Variants in HELZ2 observed in about 807,000 individuals in gnomAD.
HELZ2 encodes the protein 3'-5' exoribonuclease HELZ2.
A neutral mutation model predicts 208.8 loss-of-function variants in HELZ2; 143 were observed. The ratio of observed to expected loss-of-function variants is 0.68; its 90% CI spans 0.60 to 0.79. The LOEUF (loss-of-function observed/expected upper bound fraction) is 0.79, where lower values mean the gene tolerates loss of function less well. Among genes scored for constraint, HELZ2 ranks in the 30% least tolerant of loss-of-function variants. The probability of loss-of-function intolerance (pLI) is 0.00; values close to 1 mark genes in which losing one functional copy is unlikely to be tolerated. For synonymous variants in HELZ2, 1,705 were observed against 1,693.7 expected (o/e 1.01, Z -0.16); for missense variants, 3,690 against 3,794.5 (o/e 0.97, Z 0.72).
exon 13 of HELZ2, chr20:63,561,362 T>C: frequency 1.2e-6 from 2 of 1,612,936 alleles, no homozygotes; most frequent in Non-Finnish European, 1.7e-6. Context: ...GACCAGGTCC[T>C]CCCTGGAGAA....
exon 12 of HELZ2, chr20:63,561,632 G>A (rs1477437641): frequency 6.2e-7 from 1 of 1,611,478 alleles, no homozygotes; most frequent in Non-Finnish European, 8.5e-7. Context: ...CCCTCCCGGG[G>A]GCTCTTCCTG....
Position 63,564,041 on chromosome 20 carries a change from G to A in HELZ2, c.4781C>T (p.Thr1594Met), listed in dbSNP as rs745883661. The change falls in exon 8 of 19, where the codon ACG (threonine) becomes ATG (methionine). Residue 1594 changes from threonine to methionine, a missense_variant. Transcript: ENST00000467148. ...GAGGGAGGCCAGGAGGTGCAGCCGC[G>A]TGTCGGGGGGACTGCCCCCGCCGCC... The A allele has an allele frequency of 6.9e-6, 11 of 1,604,694 alleles. No individual in the cohort carries two copies. The highest frequency in any genetic ancestry group is 5.5e-5 in the South Asian group (5 of 90,644).
chr20:63,563,257 C>T (rs771375039), exon 8 of HELZ2: 96 of 1,559,238 alleles, frequency 6.2e-5, no homozygotes, highest in Non-Finnish European at 7.9e-5. Context: ...GCTCCCGCCG[C>T]TGGGACGCCT....
At chr20:63,565,186 G>T in exon 8 of HELZ2, 1 of 1,605,602 alleles carries the variant, frequency 6.2e-7, no homozygotes, top group Non-Finnish European at 8.5e-7. Flanking sequence ...TGATGCGCGG[G>T]TCCCACGTGT....
exon 19 of HELZ2, chr20:63,559,216 T>C (rs780689176): frequency 6.7e-6 from 10 of 1,502,652 alleles, no homozygotes; most frequent in Admixed American, 4.2e-5. Flanking sequence ...TCCCTCCCAG[T>C]CCTGGCACCT....
At chr20:63,568,918 T>C (rs1187160498) in exon 5 of HELZ2, 1 of 1,609,994 alleles carries the variant, frequency 6.2e-7, no homozygotes, top group African/African-American at 1.3e-5. Flanking sequence ...CTGCGTACAG[T>C]GCTCCCGGAG....
chr20:63,567,214 G>T, exon 6 of HELZ2: 1 of 1,607,566 alleles, frequency 6.2e-7, no homozygotes, highest in Non-Finnish European at 8.5e-7. Flanking sequence ...GTGCAGCAGC[G>T]TGTGCTCGGC....
At chr20:63,560,568 G>A in exon 16 of HELZ2, 1 of 1,612,778 alleles carries the variant, frequency 6.2e-7, no homozygotes, top group Non-Finnish European at 8.5e-7. Context: ...CCCTGCACGT[G>A]GCCAAAGATG....
chr20:63,560,610 G>A (rs2082875541), exon 16 of HELZ2: 5 of 1,611,530 alleles, frequency 3.1e-6, no homozygotes, highest in Non-Finnish European at 4.2e-6. Context: ...GCGTGGCCCA[G>A]GACACTGGGC....
chr20:63,564,667 C>T (rs45602035), exon 8 of HELZ2: 46,587 of 1,581,486 alleles, frequency 0.029, 859 homozygotes, highest in Non-Finnish European at 0.037. Context: ...CCTCCACGTC[C>T]AGCACCCCGT....
intron 5 of HELZ2, 43 bp downstream of exon 6, chr20:63,568,315 C>T: frequency 1.4e-6 from 2 of 1,464,496 alleles, no homozygotes; most frequent in Non-Finnish European, 1.9e-6. Context: ...TAGACTTGGG[C>T]CGGGCGTCAG....
At chr20:63,572,027 A>G (rs1277342088) in intron 1 of HELZ2, 81 bp downstream of exon 2, 403 of 1,413,674 alleles carry the variant, frequency 2.9e-4, no homozygotes, top group African/African-American at 1.2e-3. Context: ...CTCCTGCCCC[A>G]CTCCAAGCTC....
At chr20:63,558,672 G>A (rs1477751357), downstream of HELZ2, 1 of 152,418 alleles carries the variant, frequency 6.6e-6, no homozygotes, top group South Asian at 2.1e-4. Context: ...CCAAGTAGCT[G>A]GGATTACAGG....
At position 63,567,031 on chromosome 20, in the gene HELZ2, CG is replaced by C; in HGVS notation, c.2326del (p.Arg776GlyfsTer24). 1 of 1,611,216 alleles carries C rather than the reference CG, an allele frequency of 6.2e-7. No individual in the cohort carries two copies. Among genetic ancestry groups the C allele is most frequent in the Non-Finnish European group, 8.5e-7 (1 of 1,179,370 alleles). ...GTGGCAGAACATGAGCGGGTAGTGC[CG>C]GGGGTGGGGCGGAACCTTGCCCCTG... is the stretch of plus-strand genomic sequence containing the variant. On this transcript the variant is annotated frameshift_variant, in exon 6 of 19. Transcript: ENST00000467148. LOFTEE classifies it high-confidence loss of function.
At position 63,560,566 on chromosome 20, in the gene HELZ2, G is replaced by A. The variant is rs116103495; in HGVS notation, c.7413C>T (p.His2471=). 729 of 1,612,746 alleles carry A rather than the reference G, an allele frequency of 4.5e-4. 13 individuals carry two copies. The East Asian group carries it at 0.013, about 29-fold the overall frequency. ...GCAGGCTCCGCTCGTGGCCCTGCACGTGGCCAAAGATGACAGGGCAGCTCT... is the reference window on the plus strand; with the variant it reads ...GCAGGCTCCGCTCGTGGCCCTGCACATGGCCAAAGATGACAGGGCAGCTCT... Residue 2471 remains histidine (H), a synonymous_variant, in exon 16 of 19, where the codon CAC becomes CAT. Coordinates refer to ENST00000467148, the Ensembl canonical transcript of HELZ2.
chr20:63,565,251 C>T (rs961369377), exon 8 of HELZ2: 19 of 1,607,068 alleles, frequency 1.2e-5, no homozygotes, highest in African/African-American at 8.0e-5. Context: ...ACGCCCAGCA[C>T]GCGGCCCCGA....
intron 5 of HELZ2, 149 bp from the exon 7 acceptor site, chr20:63,567,776 G>A: frequency 6.9e-7 from 1 of 1,451,864 alleles, no homozygotes; most frequent in Non-Finnish European, 9.1e-7. Context: ...TGTCCCTCCT[G>A]TCAGGAGTCC....
Position 63,559,603 on chromosome 20 carries a change from T to C in HELZ2, c.7826-233A>G, listed in dbSNP as rs528341997. ...AGGAGTCAGGGTCAGGTGGGAGGAGTCAGGGTCAGATGGGAGTCAGTCAGA... is the reference window on the plus strand; with the variant it reads ...AGGAGTCAGGGTCAGGTGGGAGGAGCCAGGGTCAGATGGGAGTCAGTCAGA... On this transcript the variant is annotated intron_variant, in intron 18 of 18. Transcript: ENST00000467148. Among the ~76,000 whole-genome samples, 299 of 35,912 alleles carry C rather than the reference T, an allele frequency of 8.3e-3. 13 individuals carry two copies. Among genetic ancestry groups the C allele is most frequent in the African/African-American group, 0.029 (275 of 9,460 alleles). The allele number at this position is 35,912 out of a possible 152,430, so 23.6% of individuals were successfully genotyped here.
At chr20:63,566,343 G>T in intron 7 of HELZ2, 35 bp downstream of exon 8, 1 of 1,539,722 alleles carries the variant, frequency 6.5e-7, no homozygotes, top group Non-Finnish European at 8.8e-7. Context: ...GTATCCTGGG[G>T]CAGCTGGCAG....
Sources: gnomAD v4.1 joint callset for allele counts (sites outside exome capture counted in the v4.1 genomes callset) on GRCh38, gnomAD v4.1.1 for gene constraint, MANE v1.5 for transcripts, NCBI Gene and HGNC (gene_info 2026-07-23, HGNC 2026-07-21) for gene names.